The following CADPS variants were observed in gnomAD, a reference collection of about 807,000 sequenced individuals.
The protein encoded by CADPS is calcium-dependent secretion activator 1.
A neutral mutation model predicts 167.3 loss-of-function variants in CADPS; 57 were observed. The observed-to-expected ratio is 0.34, with a 90% CI of 0.28 to 0.42. CADPS has a LOEUF of 0.42. CADPS is among the 20% of genes least tolerant of loss of function. The pLI is 1.00. For missense variants in CADPS, 1,414 were observed against 1,738.1 expected, an observed-to-expected ratio of 0.81 and a Z score of 3.32; for synonymous variants, 676 against 635.3, an observed-to-expected ratio of 1.06 and a Z score of -0.96.
Position 62,399,664 on chromosome 3 carries a change from T to G in CADPS, c.3883-79A>C. 1.6e-6 allele frequency: 2 copies of G among 1,218,358 alleles called. No individual in the cohort carries two copies. The highest frequency in any genetic ancestry group is 2.6e-5 in the South Asian group (2 of 76,314). 75.5% of individuals were successfully genotyped at this position (1,218,358 alleles called of 1,614,324 possible). On this transcript the variant is annotated intron_variant, in intron 29 of 29. Transcript: ENST00000383710. This position sits in a 1 kb window ranked among gnomAD's most constrained non-coding sequence, Gnocchi z 5.6. Reference sequence around the variant, plus strand: ...GGGAGAAGGTAAAAGCAGGTGTGGGTGGGAGAGCACTGACCTTCAGCTAAA... The same window carrying G: ...GGGAGAAGGTAAAAGCAGGTGTGGGGGGGAGAGCACTGACCTTCAGCTAAA...
rs1365300555 is a variant in CADPS, at chr3:62,874,835, CCCG to C, written c.192_194del (p.Gly66del). 8 of 1,039,088 alleles carry C rather than the reference CCCG, an allele frequency of 7.7e-6. No individual in the cohort carries two copies. The African/African-American group carries it at 8.6e-5, about 11-fold the overall frequency. The allele number at this position is 1,039,088 out of a possible 1,614,324, so 64.4% of individuals were successfully genotyped here. ...CGCCGCCGCTGCTCGCGCCGCTGCCCCCGCCGCCGCCTGCACCCACCCCGGCTC... is the reference window on the plus strand; with the variant it reads ...CGCCGCCGCTGCTCGCGCCGCTGCCCCCGCCGCCTGCACCCACCCCGGCTC... On this transcript the variant is annotated inframe_deletion, in exon 1 of 30. Transcript: ENST00000383710. The surrounding 1 kb of genome is among the most constrained non-coding windows in gnomAD (Gnocchi z 7.1).
In CADPS at chr3:62,455,326, G is replaced by T. The variant is rs570287880; in HGVS notation, c.3637-9529C>A. On this transcript the variant is annotated intron_variant, in intron 26 of 29. Transcript: ENST00000383710. The surrounding 1 kb of genome is among the most constrained non-coding windows in gnomAD (Gnocchi z 4.4). ...TGGTTGCATGCTTACTCTTTGCCTA[G>T]CACAAGGTTAAGCAATTTATAAGGA... 1.3e-5 allele frequency among the ~76,000 whole-genome samples: 2 copies of T among 152,176 alleles called. No homozygotes were observed. Among genetic ancestry groups the T allele is most frequent in the Non-Finnish European group, 2.9e-5 (2 of 68,016 alleles).
At chr3:62,626,666 GTTC>G in intron 6 of CADPS, 1 of 681,780 alleles carries the variant, frequency 1.5e-6, no homozygotes, top group Non-Finnish European at 2.7e-6. Context: ...GACGTTTGGA[GTTC>G]CTTCTGCAGG....
intron 5 of CADPS, among the ~76,000 whole-genome samples, chr3:62,648,762 C>A (rs1188212361): frequency 1.3e-5 from 2 of 149,302 alleles, no homozygotes; most frequent in Admixed American, 1.3e-4. Context: ...CCACTTTCCC[C>A]CCGTTTCTGT....
At chr3:62,691,478 A>C (rs1000199709) in intron 3 of CADPS, among the ~76,000 whole-genome samples, 1 of 152,028 alleles carries the variant, frequency 6.6e-6, no homozygotes. Flanking sequence ...CTGTAGCCTA[A>C]AACTTCTCTG....
chr3:62,490,455 C>T (rs933760135), intron 21 of CADPS, among the ~76,000 whole-genome samples: 9 of 152,326 alleles, frequency 5.9e-5, no homozygotes, highest in South Asian at 4.1e-4. Context: ...GACTGACCCT[C>T]TGGAGCCTCA....
At chr3:62,741,036 A>G (rs749804064) in intron 3 of CADPS, among the ~76,000 whole-genome samples, 1 of 152,184 alleles carries the variant, frequency 6.6e-6, no homozygotes, top group Non-Finnish European at 1.5e-5. Flanking sequence ...GCACAATTTG[A>G]TGAATTGTTG....
intron 3 of CADPS, among the ~76,000 whole-genome samples, chr3:62,689,621 A>T (rs181644319): frequency 6.6e-6 from 1 of 152,036 alleles, no homozygotes; most frequent in Non-Finnish European, 1.5e-5. Context: ...TTGTATTTGG[A>T]TGACATGTTT....
intron 8 of CADPS, among the ~76,000 whole-genome samples, chr3:62,584,892 G>C (rs1310189749): frequency 6.6e-6 from 1 of 152,158 alleles, no homozygotes; most frequent in East Asian, 1.9e-4. Context: ...GAGCCTGTAA[G>C]ACCTCTCCAA....
chr3:62,554,356 G>C (rs2077770716), intron 10 of CADPS, among the ~76,000 whole-genome samples: 1 of 152,116 alleles, frequency 6.6e-6, no homozygotes, highest in African/African-American at 2.4e-5. Flanking sequence ...TGTGTCTGGG[G>C]GAACCACGTA....
At chr3:62,580,283 G>T (rs1578173467) in intron 8 of CADPS, among the ~76,000 whole-genome samples, 1 of 152,286 alleles carries the variant, frequency 6.6e-6, no homozygotes, top group East Asian at 1.9e-4. Context: ...CATGTCCTTT[G>T]TAGGGACATG....
At chr3:62,437,744 A>T (rs1251526144) in intron 28 of CADPS, among the ~76,000 whole-genome samples, 1 of 152,204 alleles carries the variant, frequency 6.6e-6, no homozygotes, top group Non-Finnish European at 1.5e-5. Flanking sequence ...AGCCTCCCTG[A>T]TGAGAATATC....
At position 62,465,244 on chromosome 3, in the gene CADPS, A is replaced by C. The variant is rs1447144178; in HGVS notation, c.3636+123T>G. 9 of 645,860 alleles carry C rather than the reference A, an allele frequency of 1.4e-5. No individual in the cohort carries two copies. Among genetic ancestry groups the C allele is most frequent in the Admixed American group, 1.1e-4 (4 of 36,318 alleles). 40.0% of individuals were successfully genotyped at this position (645,860 alleles called of 1,614,324 possible). On this transcript the variant is annotated intron_variant, in intron 26 of 29. Coordinates refer to ENST00000383710, the MANE Select transcript of CADPS (RefSeq NM_003716.4). This position sits in a 1 kb window ranked among gnomAD's most constrained non-coding sequence, Gnocchi z 4.1. ...TTTTCACATAGTGTTAATATTATAC[A>C]ATAGTTGACTATAATTAACACACAC... is the stretch of plus-strand genomic sequence containing the variant.
intron 3 of CADPS, among the ~76,000 whole-genome samples, chr3:62,729,376 C>T (rs34576248): frequency 1.3e-5 from 2 of 151,760 alleles, no homozygotes; most frequent in African/African-American, 4.9e-5. Flanking sequence ...ATGCCCTTAA[C>T]TGAAACCACA....
Position 62,870,994 on chromosome 3 carries a change from A to T in CADPS, c.441+3595T>A, listed in dbSNP as rs1202337170. Among the ~76,000 whole-genome samples the T allele has an allele frequency of 2.0e-5, 3 of 152,162 alleles. No individual in the cohort carries two copies. The East Asian group carries it at 5.8e-4, about 29-fold the overall frequency. On this transcript the variant is annotated intron_variant, in intron 1 of 29. Coordinates refer to ENST00000383710, the MANE Select transcript of CADPS (RefSeq NM_003716.4). ...GAGCTACTGAAACATACATTGTTACATTCTGGTGGGGAGATTTTTGTTTTG... is the reference window on the plus strand; with the variant it reads ...GAGCTACTGAAACATACATTGTTACTTTCTGGTGGGGAGATTTTTGTTTTG...
chr3:62,761,811 T>A (rs556546954), intron 2 of CADPS, among the ~76,000 whole-genome samples: 56 of 152,186 alleles, frequency 3.7e-4, no homozygotes, highest in African/African-American at 1.3e-3. Flanking sequence ...ACCAGGGGTG[T>A]GAGAACCAGA....
intron 8 of CADPS, among the ~76,000 whole-genome samples, chr3:62,583,649 A>G (rs1434486025): frequency 6.6e-6 from 1 of 152,108 alleles, no homozygotes; most frequent in Non-Finnish European, 1.5e-5. Context: ...CTCTAAATCC[A>G]AACCAAACCT....
intron 6 of CADPS, among the ~76,000 whole-genome samples, chr3:62,600,811 T>C (rs999408942): frequency 3.3e-4 from 50 of 152,318 alleles, no homozygotes; most frequent in African/African-American, 1.2e-3. Flanking sequence ...GGGATAAGAA[T>C]ATTTAGTTTT....
intron 18 of CADPS, among the ~76,000 whole-genome samples, chr3:62,494,299 C>G (rs2151151597): frequency 1.3e-5 from 2 of 152,268 alleles, no homozygotes; most frequent in Admixed American, 1.3e-4. Flanking sequence ...CCCTCCATGC[C>G]ACCCCCAGAA....
Sources: allele counts gnomAD v4.1 joint callset (sites outside exome capture counted in the v4.1 genomes callset), GRCh38; gene constraint gnomAD v4.1.1; non-coding constraint Gnocchi (gnomAD v3.1); transcripts MANE v1.5; gene names NCBI Gene and HGNC (gene_info 2026-07-23, HGNC 2026-07-21).